ZNF667: variants seen among roughly 807,000 people sequenced by gnomAD.
The protein encoded by ZNF667 is myocardial ischemic preconditioning upregulated 1 ortholog.
A neutral mutation model predicts 31.8 loss-of-function variants in ZNF667; 13 were observed. That is an observed-to-expected ratio of 0.41 (90% confidence interval 0.27 to 0.65). ZNF667 has a LOEUF of 0.65. ZNF667 is among the 30% of genes least tolerant of loss of function. The pLI is 0.32. For synonymous variants in ZNF667, 228 were observed against 247.1 expected (o/e 0.92, Z 0.73); for missense variants, 642 against 725.6 (o/e 0.88, Z 1.32).
At position 56,472,180 on chromosome 19, in the gene ZNF667, C is replaced by T. The variant is rs1056601630; in HGVS notation, c.-541G>A. ...ATAAAATAATTTTCTTCAAGGAACTCGGCACTACTGGGGAAGAAAGAACAG... is the reference window on the plus strand; with the variant it reads ...ATAAAATAATTTTCTTCAAGGAACTTGGCACTACTGGGGAAGAAAGAACAG... On this transcript the variant is annotated 5_prime_UTR_variant, in exon 3 of 7. Coordinates refer to ENST00000504904, the MANE Select transcript of ZNF667 (RefSeq NM_001321356.2). 4 of 152,174 alleles carry T rather than the reference C, an allele frequency of 2.6e-5. No individual in the cohort carries two copies. Among genetic ancestry groups the T allele is most frequent in the Admixed American group, 6.5e-5 (1 of 15,284 alleles). 9.4% of individuals were successfully genotyped at this position (152,174 alleles called of 1,614,324 possible).
rs2043302823 is a variant in ZNF667 at position 56,472,035 on chromosome 19, T to C, written c.-396A>G. On this transcript the variant is annotated 5_prime_UTR_variant, in exon 3 of 7. Coordinates refer to ENST00000504904, the MANE Select transcript of ZNF667 (RefSeq NM_001321356.2). ...TGTACAGGGACTCTCATTCTCCCTG[T>C]GGCCATGTAAGACGTGTCTTTCACC... is the stretch of plus-strand genomic sequence containing the variant. The C allele has an allele frequency of 6.6e-6, 1 of 152,276 alleles. No individual in the cohort carries two copies. The allele number at this position is 152,276 out of a possible 1,614,324, so 9.4% of individuals were successfully genotyped here. A position where few individuals can be genotyped will look rare whatever the true frequency, so the allele number is the denominator to read the frequency against.
At chr19:56,477,818 G>C (rs2043450350), upstream of ZNF667, 1 of 152,376 alleles carries the variant, frequency 6.6e-6, no homozygotes, top group African/African-American at 2.4e-5. Flanking sequence ...CCTCACCCGC[G>C]GAGGCGGACA....
chr19:56,441,349 T>C lies in ZNF667; in HGVS notation c.1646A>G (p.His549Arg). The change falls in exon 7 of 7, where the codon CAT becomes CGT. Residue 549 changes from histidine to arginine, a missense_variant. By Grantham distance (29) the His-to-Arg change is conservative. Coordinates refer to ENST00000504904, the MANE Select transcript of ZNF667 (RefSeq NM_001321356.2). This position sits in a 1 kb window ranked among gnomAD's most constrained non-coding sequence, Gnocchi z 4.2. ...ACATTCATAGGGTTTCTCTCCAGTA[T>C]GACTTCTTTCATGTAGAATAAGAGA... ...RTSLILHERSHTGEKPYECNE... is the reference protein window; with the variant it reads ...RTSLILHERSRTGEKPYECNE... The C allele has an allele frequency of 6.2e-7, 1 of 1,614,182 alleles. No homozygotes were observed. Among genetic ancestry groups the C allele is most frequent in the Non-Finnish European group, 8.5e-7 (1 of 1,180,034 alleles).
In ZNF667 at chr19:56,441,012, C is replaced by A; in HGVS notation, c.*150G>T. 7.0e-7 allele frequency: 1 copy of A among 1,429,282 alleles called. No individual in the cohort carries two copies. Among genetic ancestry groups the A allele is most frequent in the Non-Finnish European group, 9.1e-7 (1 of 1,094,040 alleles). The allele number at this position is 1,429,282 out of a possible 1,614,324, so 88.5% of individuals were successfully genotyped here. A position where few individuals can be genotyped will look rare whatever the true frequency, so the allele number is the denominator to read the frequency against. Reference sequence around the variant, plus strand: ...TTCAGTTAATTTCAAATCCTGAGGTCAAAATCACCAATGACTTTTGCTCTT... The same window carrying A: ...TTCAGTTAATTTCAAATCCTGAGGTAAAAATCACCAATGACTTTTGCTCTT... On this transcript the variant is annotated 3_prime_UTR_variant, in exon 7 of 7. Coordinates refer to ENST00000504904, the MANE Select transcript of ZNF667 (RefSeq NM_001321356.2). The surrounding 1 kb of genome is among the most constrained non-coding windows in gnomAD (Gnocchi z 4.2).
In ZNF667 at chr19:56,441,786, T is replaced by C; in HGVS notation, c.1209A>G (p.Gln403=). Residue 403 remains glutamine, a synonymous_variant, in exon 7 of 7, where the codon CAA becomes CAG. Coordinates refer to ENST00000504904, the MANE Select transcript of ZNF667 (RefSeq NM_001321356.2). The surrounding 1 kb of genome is among the most constrained non-coding windows in gnomAD (Gnocchi z 4.2). ...TTTTCTTTGTATGAACTTTCTGATG[T>C]TGAATAAGGGATGAATGCCGATTGC... ...KVCNRHSSLI[Q]HQKVHTKKKK... The C allele has an allele frequency of 6.2e-7, 1 of 1,614,078 alleles. No homozygotes were observed. The highest frequency in any genetic ancestry group is 8.5e-7 in the Non-Finnish European group (1 of 1,179,998).
At chr19:56,458,309 C>T (rs993292457) in intron 5 of ZNF667, 62 bp from the exon 6 acceptor site, 34 of 1,419,500 alleles carry the variant, frequency 2.4e-5, no homozygotes, top group Non-Finnish European at 1.8e-5. Flanking sequence ...GTCAGAGCCA[C>T]GCTCTGCATC....
intron 6 of ZNF667, among the ~76,000 whole-genome samples, chr19:56,447,115 A>C (rs563243744): frequency 2.6e-5 from 4 of 152,226 alleles, no homozygotes; most frequent in African/African-American, 9.6e-5. Context: ...GAAAAATTAT[A>C]ATGTGAATGC....
At chr19:56,458,325 G>T in intron 5 of ZNF667, 78 bp from the exon 6 acceptor site, 1 of 1,261,850 alleles carries the variant, frequency 7.9e-7, no homozygotes, top group Non-Finnish European at 1.2e-6. Context: ...GCATCAACAG[G>T]AATGCAGGTT....
At chr19:56,442,913 G>T (rs1316181890) in intron 6 of ZNF667, among the ~76,000 whole-genome samples, 172 bp from the exon 7 acceptor site, 1 of 152,130 alleles carries the variant, frequency 6.6e-6, no homozygotes, top group South Asian at 2.1e-4. Flanking sequence ...GCTTTACAGA[G>T]ATATTTAATA....
intron 3 of ZNF667, chr19:56,468,827 G>A (rs896610874): frequency 1.3e-5 from 2 of 152,250 alleles, no homozygotes; most frequent in African/African-American, 4.8e-5. Flanking sequence ...ACGGAGGCAG[G>A]AGGATCAGAG....
At position 56,449,658 on chromosome 19, in the gene ZNF667, C is replaced by T. The variant is rs142253785; in HGVS notation, c.254-6917G>A. The T allele has an allele frequency of 7.5e-3, 1,091 of 144,890 alleles. 8 individuals are homozygous for T. The highest frequency in any genetic ancestry group is 0.012 in the Non-Finnish European group (778 of 67,358). 9.0% of individuals were successfully genotyped at this position (144,890 alleles called of 1,614,324 possible). The stretch of plus-strand genomic sequence containing the variant: ...GATCATGCCATCATTGTAGTCCAGC[C>T]TGGGGAACAGAGAGAAACTCTGTCT... On this transcript the variant is annotated intron_variant, in intron 6 of 6. Coordinates refer to ENST00000504904, the MANE Select transcript of ZNF667 (RefSeq NM_001321356.2).
intron 3 of ZNF667, chr19:56,467,114 AG>A (rs761709720): frequency 5.1e-5 from 23 of 454,060 alleles, no homozygotes; most frequent in Non-Finnish European, 5.3e-5. Context: ...ATGGTCCAGG[AG>A]GGGCCTCTAA....
intron 3 of ZNF667, chr19:56,468,491 C>CA (rs2043214764): frequency 1.3e-5 from 2 of 152,240 alleles, no homozygotes; most frequent in Admixed American, 6.5e-5. Flanking sequence ...TGGACCAAAC[C>CA]AACGTACATC....
At chr19:56,453,409 A>T (rs1280153380) in intron 6 of ZNF667, among the ~76,000 whole-genome samples, 1 of 152,178 alleles carries the variant, frequency 6.6e-6, no homozygotes, top group Non-Finnish European at 1.5e-5. Flanking sequence ...CCAAGGACAC[A>T]TCAAAAAAAG....
In ZNF667 at chr19:56,450,009, G is replaced by T. The variant is rs111841360; in HGVS notation, c.254-7268C>A. ...TATAGACCCAAAAGGGCATATCTAG[G>T]AGTTAGTGGCTTAAAGAGAAGGCAG... On this transcript the variant is annotated intron_variant, in intron 6 of 6. Transcript: ENST00000504904. 1.8e-3 allele frequency among the ~76,000 whole-genome samples: 266 copies of T among 151,848 alleles called. 1 individual carries two copies. Among genetic ancestry groups the T allele is most frequent in the African/African-American group, 6.2e-3 (258 of 41,384 alleles).
At position 56,442,760 on chromosome 19, in the gene ZNF667, T is replaced by C. The variant is rs775253428; in HGVS notation, c.254-19A>G. The C allele has an allele frequency of 1.3e-6, 2 of 1,510,618 alleles. No individual in the cohort carries two copies. Among genetic ancestry groups the C allele is most frequent in the Admixed American group, 2.3e-5 (1 of 44,430 alleles). The allele number at this position is 1,510,618 out of a possible 1,614,324, so 93.6% of individuals were successfully genotyped here. A position where few individuals can be genotyped will look rare whatever the true frequency, so the allele number is the denominator to read the frequency against. On this transcript the variant is annotated intron_variant, in intron 6 of 6. Coordinates refer to ENST00000504904, the MANE Select transcript of ZNF667 (RefSeq NM_001321356.2). Reference sequence around the variant, plus strand: ...CCCGAGTCTGAAAGACATAAAGGAATTAAATGTTTCTCCTTTTCCATGCTG... The same window carrying C: ...CCCGAGTCTGAAAGACATAAAGGAACTAAATGTTTCTCCTTTTCCATGCTG...
At chr19:56,465,012 A>C (rs1041575546) in intron 3 of ZNF667, among the ~76,000 whole-genome samples, 1 of 152,192 alleles carries the variant, frequency 6.6e-6, no homozygotes, top group Non-Finnish European at 1.5e-5. Flanking sequence ...GATACAATGA[A>C]TGCCTAATTA....
rs1418282051 is a variant in ZNF667 at position 56,442,614 on chromosome 19, T to G, written c.381A>C (p.Lys127Asn). The G allele has an allele frequency of 4.3e-6, 7 of 1,613,820 alleles. No homozygotes were observed. Among genetic ancestry groups the G allele is most frequent in the Non-Finnish European group, 5.9e-6 (7 of 1,179,886 alleles). Reference protein sequence around the residue: ...KAPTRKSGCNKNSVLVKPKKG... With the variant: ...KAPTRKSGCNNNSVLVKPKKG... ...TCTTAGGTTTTACTAGGACTGAATT[T>G]TTGTTGCAGCCACTCTTTCGTGTAG... is the stretch of plus-strand genomic sequence containing the variant. The change falls in exon 7 of 7, where the codon AAA (lysine) becomes AAC (asparagine). Residue 127 changes from lysine to asparagine, a missense_variant. By Grantham distance (94) the Lys-to-Asn change is moderately conservative. Coordinates refer to ENST00000504904, the MANE Select transcript of ZNF667 (RefSeq NM_001321356.2).
In ZNF667 at chr19:56,471,771, GCATT is replaced by G. The variant is rs947613390; in HGVS notation, c.-136_-133del. 5 of 152,164 alleles carry G rather than the reference GCATT, an allele frequency of 3.3e-5. No individual in the cohort carries two copies. Among genetic ancestry groups the G allele is most frequent in the African/African-American group, 1.2e-4 (5 of 41,430 alleles). The allele number at this position is 152,164 out of a possible 1,614,324, so 9.4% of individuals were successfully genotyped here. On this transcript the variant is annotated 5_prime_UTR_variant, in exon 3 of 7. The change abolishes an upstream ATG in the 5' untranslated region. Coordinates refer to ENST00000504904, the MANE Select transcript of ZNF667 (RefSeq NM_001321356.2). Reference sequence around the variant, plus strand: ...ATGACTTGTTCCAGGAAGTTGTAATGCATTCATCCCGCAGTTTTCACAGGTGTGT... The same window carrying G: ...ATGACTTGTTCCAGGAAGTTGTAATGCATCCCGCAGTTTTCACAGGTGTGT...
Sources: allele counts gnomAD v4.1 joint callset (sites outside exome capture counted in the v4.1 genomes callset), GRCh38; gene constraint gnomAD v4.1.1; non-coding constraint Gnocchi (gnomAD v3.1); transcripts MANE v1.5; gene names NCBI Gene and HGNC (gene_info 2026-07-23, HGNC 2026-07-21).